ANKRD2: variants seen among roughly 807,000 people sequenced by gnomAD.
ANKRD2 encodes ankyrin repeat domain 2.
ANKRD2 carries 35 observed loss-of-function variants against 37.3 expected under a neutral mutation model. The observed-to-expected ratio is 0.94, with a 90% CI of 0.72 to 1.24. The LOEUF is 1.24. ANKRD2 is among the 50% of genes most tolerant of loss of function. The probability of loss-of-function intolerance (pLI) is 0.00; values close to 1 mark genes in which losing one functional copy is unlikely to be tolerated. For synonymous variants in ANKRD2, 159 were observed against 186.5 expected (o/e 0.85, Z 1.20); for missense variants, 410 against 445.6 (o/e 0.92, Z 0.72).
In ANKRD2 at chr10:97,583,686, T is replaced by C. The variant is rs1329226569; in HGVS notation, c.963T>C (p.Asp321=). 7 of 1,594,726 alleles carry C rather than the reference T, an allele frequency of 4.4e-6. No homozygotes were observed. Among genetic ancestry groups the C allele is most frequent in the Non-Finnish European group, 5.1e-6 (6 of 1,171,352 alleles). The change falls in exon 9 of 9, where the codon GAT becomes GAC. Residue 321 remains aspartate (D), a synonymous_variant. Coordinates refer to ENST00000370655, the MANE Select transcript of ANKRD2 (RefSeq NM_001346793.2). ...ATAACGGGCTGGAGGGGCCTAATGA[T>C]AGTGGGCGAGAGACCCCTCAGCCTG... ...AEHNGLEGPN[D]SGRETPQPVP...
Position 97,582,654 on chromosome 10 carries a change from C to G in ANKRD2, c.804C>G (p.Ile268Met). Residue 268 changes from isoleucine to methionine, a missense_variant, in exon 8 of 9, where the codon ATC (isoleucine) becomes ATG (methionine). Transcript: ENST00000370655. ...CTGTGAGGCTCAACCGCTACAAAAT[C>G]ATCAAACTGCTGCTCCTGCATGGGG... ...HDAVRLNRYK[I>M]IKLLLLHGAD... The G allele has an allele frequency of 6.2e-7, 1 of 1,614,166 alleles. No individual in the cohort carries two copies. The highest frequency in any genetic ancestry group is 1.1e-5 in the South Asian group (1 of 91,080).
intron 4 of ANKRD2, among the ~76,000 whole-genome samples, 167 bp from the exon 5 acceptor site, chr10:97,580,688 G>C (rs2040885616): frequency 6.6e-6 from 1 of 152,202 alleles, no homozygotes; most frequent in African/African-American, 2.4e-5. Context: ...AGGGCTCCCA[G>C]GCTGGTCTGG....
Position 97,583,669 on chromosome 10 carries a change from C to A in ANKRD2, c.946C>A (p.Leu316Met). The A allele has an allele frequency of 6.2e-7, 1 of 1,603,974 alleles. No individual in the cohort carries two copies. Among genetic ancestry groups the A allele is most frequent in the Non-Finnish European group, 8.5e-7 (1 of 1,175,836 alleles). Residue 316 changes from leucine to methionine, a missense_variant, in exon 9 of 9, where the codon CTG becomes ATG. Coordinates refer to ENST00000370655, the MANE Select transcript of ANKRD2 (RefSeq NM_001346793.2). ...HPEPGAEHNG[L>M]EGPNDSGRET... Reference sequence around the variant, plus strand: ...TGAGCCGGGGGCTGAGCATAACGGGCTGGAGGGGCCTAATGATAGTGGGCG... The same window carrying A: ...TGAGCCGGGGGCTGAGCATAACGGGATGGAGGGGCCTAATGATAGTGGGCG...
chr10:97,578,361 C>A lies in ANKRD2; in HGVS notation c.311C>A (p.Ala104Asp). 2.5e-6 allele frequency: 4 copies of A among 1,613,774 alleles called. No homozygotes were observed. Among genetic ancestry groups the A allele is most frequent in the Non-Finnish European group, 3.4e-6 (4 of 1,179,934 alleles). Reference protein sequence around the residue: ...KRKQKKRDALAASHEPPPEPE... With the variant: ...KRKQKKRDALDASHEPPPEPE... ...AAGCAGAAGAAGCGGGACGCTCTGGCCGCCTCGCATGAGCCGCCCCCAGAG... is the reference window on the plus strand; with the variant it reads ...AAGCAGAAGAAGCGGGACGCTCTGGACGCCTCGCATGAGCCGCCCCCAGAG... Residue 104 changes from alanine to aspartate, a missense_variant, in exon 3 of 9, where the codon GCC (alanine) becomes GAC (aspartate). Transcript: ENST00000370655.
chr10:97,575,200 TCC>T lies in ANKRD2; in HGVS notation c.87+2328_87+2329del, dbSNP rs919065119. 4.0e-4 allele frequency among the ~76,000 whole-genome samples: 61 copies of T among 151,874 alleles called. 1 individual carries two copies. The highest frequency in any genetic ancestry group is 1.5e-3 in the African/African-American group (60 of 41,378). The stretch of plus-strand genomic sequence containing the variant: ...AGGAAGATGTGGGTGAGCATTAGAG[TCC>T]CCAGTTGTCTCTACCAGGCCCCAGC... On this transcript the variant is annotated intron_variant, in intron 1 of 8. Coordinates refer to ENST00000370655, the MANE Select transcript of ANKRD2 (RefSeq NM_001346793.2).
chr10:97,579,111 C>T (rs941027133), intron 4 of ANKRD2, among the ~76,000 whole-genome samples: 3 of 151,668 alleles, frequency 2.0e-5, no homozygotes, highest in African/African-American at 7.3e-5. Context: ...CCTAGGAGTT[C>T]AAGACCAGCC....
chr10:97,580,854 G>T lies in ANKRD2; in HGVS notation c.457-1G>T. The T allele has an allele frequency of 6.2e-7, 1 of 1,609,442 alleles. No individual in the cohort carries two copies. The highest frequency in any genetic ancestry group is 8.5e-7 in the Non-Finnish European group (1 of 1,178,206). On this transcript the variant is annotated splice_acceptor_variant, in intron 4 of 8. Coordinates refer to ENST00000370655, the MANE Select transcript of ANKRD2 (RefSeq NM_001346793.2). LOFTEE classifies it high-confidence loss of function. ...GGCCCTGACAGCCTCTCTGGGGACA[G>T]TTCCGTCGGACAGCACTGCACCGAG...
At chr10:97,578,152 C>CCCCA in intron 2 of ANKRD2, 88 bp from the exon 3 acceptor site, 1 of 988,454 alleles carries the variant, frequency 1.0e-6, no homozygotes, top group Non-Finnish European at 1.5e-6. Flanking sequence ...CTGCCCACCC[C>CCCCA]ACCCTCCCCA....
intron 1 of ANKRD2, among the ~76,000 whole-genome samples, chr10:97,573,439 T>C (rs1384682864): frequency 6.6e-6 from 1 of 152,104 alleles, no homozygotes; most frequent in African/African-American, 2.4e-5. Flanking sequence ...TCTGCATTTT[T>C]TTTTTTGAGA....
chr10:97,580,584 C>A (rs576304371), intron 4 of ANKRD2, among the ~76,000 whole-genome samples: 10 of 152,286 alleles, frequency 6.6e-5, no homozygotes, highest in African/African-American at 2.4e-4. Context: ...GAAGTGAGGG[C>A]AAAACAGGCA....
chr10:97,582,855 C>T (rs2040920144), intron 8 of ANKRD2, among the ~76,000 whole-genome samples, 153 bp downstream of exon 8: 1 of 152,194 alleles, frequency 6.6e-6, no homozygotes. Flanking sequence ...TCCAGAGCAC[C>T]ATTCCAACTG....
At chr10:97,574,296 A>AG (rs1281646587) in intron 1 of ANKRD2, among the ~76,000 whole-genome samples, 110 of 135,640 alleles carry the variant, frequency 8.1e-4, no homozygotes, top group African/African-American at 2.7e-3. Context: ...AAAAAAAAAA[A>AG]GGGGACTCCT....
intron 5 of ANKRD2, 122 bp downstream of exon 5, chr10:97,581,075 C>T: frequency 1.1e-6 from 1 of 929,898 alleles, no homozygotes. Flanking sequence ...CCAGACTCCA[C>T]CTCAGTGGCT....
Position 97,572,884 on chromosome 10 carries a change from A to G in ANKRD2, c.87+9A>G. 4.5e-6 allele frequency: 7 copies of G among 1,550,356 alleles called. No individual in the cohort carries two copies. The highest frequency in any genetic ancestry group is 6.1e-6 in the Non-Finnish European group (7 of 1,146,530). The stretch of plus-strand genomic sequence containing the variant: ...AGGAGGAGGAGAATGAGGTGCGAGC[A>G]GGGGTGGAGGTGCCCAAGGGGGTCT... On this transcript the variant is annotated intron_variant, in intron 1 of 8. Coordinates refer to ENST00000370655, the MANE Select transcript of ANKRD2 (RefSeq NM_001346793.2).
Position 97,583,569 on chromosome 10 carries a change from C to T in ANKRD2, c.853-7C>T, listed in dbSNP as rs1283800310. 1 of 1,597,022 alleles carries T rather than the reference C, an allele frequency of 6.3e-7. No individual in the cohort carries two copies. The highest frequency in any genetic ancestry group is 1.7e-5 in the Admixed American group (1 of 57,796). On this transcript the variant is annotated splice_polypyrimidine_tract_variant and splice_region_variant and intron_variant, in intron 8 of 8. Coordinates refer to ENST00000370655, the MANE Select transcript of ANKRD2 (RefSeq NM_001346793.2). ...CCAACCCCCACGCCCCGTCCCGCCCCCTCCAGGCAGGAAAGACCCCGACGG... is the reference window on the plus strand; with the variant it reads ...CCAACCCCCACGCCCCGTCCCGCCCTCTCCAGGCAGGAAAGACCCCGACGG...
At position 97,577,911 on chromosome 10, in the gene ANKRD2, G is replaced by T; in HGVS notation, c.189+10G>T. The T allele has an allele frequency of 1.3e-6, 2 of 1,551,736 alleles. No homozygotes were observed. Among genetic ancestry groups the T allele is most frequent in the Non-Finnish European group, 8.7e-7 (1 of 1,148,138 alleles). On this transcript the variant is annotated intron_variant, in intron 2 of 8. Transcript: ENST00000370655. ...CCTGCAGAAGGTGAAGGTAAGCCTG[G>T]GAGGATCCAATGTCTGCACCCAGGG...
In ANKRD2 at chr10:97,582,298, T is replaced by C; in HGVS notation, c.655-17T>C. 1 of 1,551,332 alleles carries C rather than the reference T, an allele frequency of 6.4e-7. No individual in the cohort carries two copies. Among genetic ancestry groups the C allele is most frequent in the Non-Finnish European group, 8.7e-7 (1 of 1,146,602 alleles). On this transcript the variant is annotated splice_polypyrimidine_tract_variant and intron_variant, in intron 6 of 8. Transcript: ENST00000370655. ...TCAGGCCCCGTCAACTAGCAGTTCC[T>C]GATTCCTCCCACCCAGCTGCTGAGC...
intron 2 of ANKRD2, 96 bp from the exon 3 acceptor site, chr10:97,578,144 G>GGCCCCCCCCCCCCCCCCC: frequency 1.3e-5 from 9 of 685,412 alleles, no homozygotes; most frequent in East Asian, 5.5e-5. Context: ...GGGTCTTCCT[G>GGCCCCCCCCCCCCCCCCC]CCCACCCCAC....
chr10:97,578,707 A>C, intron 4 of ANKRD2, 102 bp downstream of exon 4: 3 of 931,504 alleles, frequency 3.2e-6, no homozygotes, highest in Non-Finnish European at 3.2e-6. Context: ...GAGAGGAGGC[A>C]CCGGTGTTCT....
Sources: allele counts gnomAD v4.1 joint callset (sites outside exome capture counted in the v4.1 genomes callset), GRCh38; gene constraint gnomAD v4.1.1; transcripts MANE v1.5; gene names NCBI Gene and HGNC (gene_info 2026-07-23, HGNC 2026-07-21).